The following SGCZ variants were observed in gnomAD, a reference collection of about 807,000 sequenced individuals.
SGCZ encodes the protein sarcoglycan zeta, also known as zeta-sarcoglycan.
A neutral mutation model predicts 41.3 loss-of-function variants in SGCZ; 40 were observed. That is an observed-to-expected ratio of 0.97 (90% CI 0.75 to 1.26). The LOEUF (loss-of-function observed/expected upper bound fraction) is 1.26, where lower values mean the gene tolerates loss of function less well. SGCZ is among the 50% of genes most tolerant of loss of function. SGCZ has a pLI of 0.00. For synonymous variants in SGCZ, 206 were observed against 137.5 expected (o/e 1.50, Z -3.49); for missense variants, 552 against 369.8 (o/e 1.49, Z -4.04).
chr8:14,542,951 ACTT>A (rs1179590259), intron 2 of SGCZ, among the ~76,000 whole-genome samples: 1 of 151,958 alleles, frequency 6.6e-6, no homozygotes, highest in Non-Finnish European at 1.5e-5. Context: ...GGCCTTAAAA[ACTT>A]CTTCAAATTC....
At chr8:15,136,777 T>A (rs1270604386) in intron 1 of SGCZ, among the ~76,000 whole-genome samples, 1 of 152,192 alleles carries the variant, frequency 6.6e-6, no homozygotes. Context: ...ATTACACCTC[T>A]TTTCTTTATA....
rs796697952 is a variant in SGCZ at position 14,524,814 on chromosome 8, G to A, written c.234+29918C>T. ...TGTATAATGGATTTCAATAATCATTGCATATATCTCCTTTTTGTTTTTTTT... is the reference window on the plus strand; with the variant it reads ...TGTATAATGGATTTCAATAATCATTACATATATCTCCTTTTTGTTTTTTTT... On this transcript the variant is annotated intron_variant, in intron 2 of 7. Transcript: ENST00000382080. 4.6e-5 allele frequency among the ~76,000 whole-genome samples: 7 copies of A among 151,894 alleles called. No individual in the cohort carries two copies. In the East Asian group the frequency reaches 1.2e-3, roughly 25 times the overall value.
At chr8:14,444,448 G>A (rs1800370475) in intron 2 of SGCZ, among the ~76,000 whole-genome samples, 1 of 152,108 alleles carries the variant, frequency 6.6e-6, no homozygotes, top group Non-Finnish European at 1.5e-5. Context: ...TCAAGAAAAT[G>A]TGGCACATAT....
At chr8:14,702,835 A>ATT (rs1809196932) in intron 1 of SGCZ, among the ~76,000 whole-genome samples, 1 of 61,806 alleles carries the variant, frequency 1.6e-5, no homozygotes, top group African/African-American at 3.9e-5. Flanking sequence ...ATAGATAGAT[A>ATT]GATAGATAGA....
At chr8:15,194,736 T>C (rs979076858) in intron 1 of SGCZ, among the ~76,000 whole-genome samples, 2 of 152,104 alleles carry the variant, frequency 1.3e-5, no homozygotes, top group Non-Finnish European at 1.5e-5. Context: ...AAGGCCGCCT[T>C]TGGAAGTTAG....
chr8:14,591,244 A>G (rs1805230079), intron 1 of SGCZ, among the ~76,000 whole-genome samples: 1 of 151,938 alleles, frequency 6.6e-6, no homozygotes, highest in Non-Finnish European at 1.5e-5. Context: ...AAAGATTTGG[A>G]TATTTCTCTG....
At chr8:14,848,624 G>A (rs974678349) in intron 1 of SGCZ, among the ~76,000 whole-genome samples, 1 of 152,192 alleles carries the variant, frequency 6.6e-6, no homozygotes, top group African/African-American at 2.4e-5. Context: ...AACAAGTGGT[G>A]TTGGGACTAC....
At chr8:14,942,050 T>A (rs1404512653) in intron 1 of SGCZ, among the ~76,000 whole-genome samples, 1 of 151,972 alleles carries the variant, frequency 6.6e-6, no homozygotes, top group Non-Finnish European at 1.5e-5. Flanking sequence ...CTGTAATGGG[T>A]CAATAGCATC....
chr8:15,113,846 T>C (rs1225570105), intron 1 of SGCZ, among the ~76,000 whole-genome samples: 2 of 152,218 alleles, frequency 1.3e-5, no homozygotes, highest in African/African-American at 4.8e-5. Flanking sequence ...TTGTGAGCCA[T>C]TCCTTCTTCC....
At chr8:14,951,699 A>C (rs1443090544) in intron 1 of SGCZ, among the ~76,000 whole-genome samples, 4 of 152,072 alleles carry the variant, frequency 2.6e-5, no homozygotes, top group Non-Finnish European at 5.9e-5. Flanking sequence ...TGCTTTTATA[A>C]ATAGCAATAC....
chr8:14,351,207 G>A (rs1803078800), intron 2 of SGCZ, among the ~76,000 whole-genome samples: 1 of 152,124 alleles, frequency 6.6e-6, no homozygotes, highest in Non-Finnish European at 1.5e-5. Flanking sequence ...TGGTATTACC[G>A]GTATTGTAAG....
chr8:14,970,634 G>C (rs892343526), intron 1 of SGCZ, among the ~76,000 whole-genome samples: 2 of 152,002 alleles, frequency 1.3e-5, no homozygotes, highest in African/African-American at 4.8e-5. Flanking sequence ...CCTATTTCTT[G>C]ACCATTTCTT....
chr8:14,564,080 A>T (rs73667312), intron 1 of SGCZ, among the ~76,000 whole-genome samples: 287 of 152,326 alleles, frequency 1.9e-3, no homozygotes, highest in African/African-American at 6.6e-3. Context: ...TATGGGAAAT[A>T]TGAATATAAA....
intron 3 of SGCZ, among the ~76,000 whole-genome samples, chr8:14,257,140 G>T (rs1413343822): frequency 6.6e-6 from 1 of 151,984 alleles, no homozygotes; most frequent in Non-Finnish European, 1.5e-5. Context: ...ACCCACCTGG[G>T]CAATATGGCA....
At chr8:15,178,865 A>T (rs569323353) in intron 1 of SGCZ, among the ~76,000 whole-genome samples, 1 of 152,356 alleles carries the variant, frequency 6.6e-6, no homozygotes, top group South Asian at 2.1e-4. Flanking sequence ...GGATATAAAG[A>T]AAACTCTATG....
chr8:14,534,616 A>C (rs1246996889), intron 2 of SGCZ, among the ~76,000 whole-genome samples: 1 of 151,948 alleles, frequency 6.6e-6, no homozygotes, highest in East Asian at 1.9e-4. Context: ...CAAATAGCTA[A>C]TTACCGCACA....
intron 1 of SGCZ, among the ~76,000 whole-genome samples, chr8:14,965,161 C>T (rs1304877066): frequency 6.6e-6 from 1 of 152,102 alleles, no homozygotes; most frequent in Non-Finnish European, 1.5e-5. Flanking sequence ...ATCTCTGCGG[C>T]CATAGTTCGC....
chr8:15,016,388 C>A (rs929081440), intron 1 of SGCZ, among the ~76,000 whole-genome samples: 1 of 152,120 alleles, frequency 6.6e-6, no homozygotes, highest in African/African-American at 2.4e-5. Context: ...AATAACATGG[C>A]GATGGTAGGT....
In SGCZ at chr8:14,750,045, A is replaced by G. The variant is rs534210298; in HGVS notation, c.40-195119T>C. On this transcript the variant is annotated intron_variant, in intron 1 of 7. Coordinates refer to ENST00000382080, the MANE Select transcript of SGCZ (RefSeq NM_139167.4). ...AATGACAAATAGGTAGAAATACCAT[A>G]CAAAGCTGGGGCACCTTAAGATTAT... Among the ~76,000 whole-genome samples, 180 of 152,344 alleles carry G rather than the reference A, an allele frequency of 1.2e-3. 1 individual carries two copies. Among genetic ancestry groups the G allele is most frequent in the Non-Finnish European group, 2.1e-3 (142 of 68,012 alleles).
Sources: allele counts gnomAD v4.1 joint callset (sites outside exome capture counted in the v4.1 genomes callset), GRCh38; gene constraint gnomAD v4.1.1; transcripts MANE v1.5; gene names NCBI Gene and HGNC (gene_info 2026-07-23, HGNC 2026-07-21).